ZNF385D: variants seen among roughly 807,000 people sequenced by gnomAD.
ZNF385D encodes zinc finger protein 385D.
Under a neutral mutation model 35.8 loss-of-function variants are expected in ZNF385D, and 15 were observed. The ratio of observed to expected loss-of-function variants is 0.42; its 90% CI spans 0.28 to 0.64. The LOEUF (loss-of-function observed/expected upper bound fraction) is 0.64. ZNF385D is among the 30% of genes least tolerant of loss of function. The probability of loss-of-function intolerance (pLI) is 0.23; values close to 1 mark genes in which losing one functional copy is unlikely to be tolerated. For synonymous variants in ZNF385D, 212 were observed against 186.8 expected (o/e 1.13, Z -1.10); for missense variants, 474 against 494.6 (o/e 0.96, Z 0.39).
chr3:22,326,414 T>TA (rs1694681263), intron 2 of ZNF385D, among the ~76,000 whole-genome samples: 1 of 152,188 alleles, frequency 6.6e-6, no homozygotes, highest in Admixed American at 6.5e-5. Context: ...GCCAGGGGTC[T>TA]AGCCTATCTT....
At chr3:21,541,155 C>T (rs762080213) in intron 3 of ZNF385D, among the ~76,000 whole-genome samples, 1 of 152,152 alleles carries the variant, frequency 6.6e-6, no homozygotes, top group Non-Finnish European at 1.5e-5. Flanking sequence ...ATTCTAGCAA[C>T]GTAATCCAAA....
At position 22,171,449 on chromosome 3, in the gene ZNF385D, A is replaced by G. The variant is rs548959167; in HGVS notation, c.107-2414T>C. On this transcript the variant is annotated intron_variant, in intron 2 of 5. Coordinates refer to the ZNF385D transcript ENST00000494108. Reference sequence around the variant, plus strand: ...CTGAGAAAATAAAGACTATATTATCAGGCAATGTCAACAATTAATTTTGTA... The same window carrying G: ...CTGAGAAAATAAAGACTATATTATCGGGCAATGTCAACAATTAATTTTGTA... 6.6e-5 allele frequency among the ~76,000 whole-genome samples: 10 copies of G among 152,350 alleles called. No homozygotes were observed. The South Asian group carries it at 2.1e-3, about 32-fold the overall frequency.
chr3:22,049,677 G>T (rs548723359), intron 3 of ZNF385D, among the ~76,000 whole-genome samples: 3 of 152,036 alleles, frequency 2.0e-5, no homozygotes, highest in Non-Finnish European at 2.9e-5. Context: ...TTATTGTGTC[G>T]AAATAGATTC....
intron 2 of ZNF385D, among the ~76,000 whole-genome samples, chr3:21,605,591 C>G (rs1405789710): frequency 2.0e-5 from 3 of 152,124 alleles, no homozygotes; most frequent in Non-Finnish European, 2.9e-5. Flanking sequence ...GGGATCTCTG[C>G]CTCTTCAGGA....
intron 2 of ZNF385D, among the ~76,000 whole-genome samples, chr3:22,268,793 C>T (rs1340818089): frequency 6.6e-6 from 1 of 151,926 alleles, no homozygotes; most frequent in African/African-American, 2.4e-5. Context: ...GACATACCCC[C>T]TCAGAACCCA....
chr3:21,922,838 A>G (rs1430351919), intron 3 of ZNF385D, among the ~76,000 whole-genome samples: 2 of 152,156 alleles, frequency 1.3e-5, no homozygotes, highest in Non-Finnish European at 2.9e-5. Flanking sequence ...AATAATCAAT[A>G]AATAGACAAC....
At chr3:21,898,555 A>T (rs1699250923) in intron 3 of ZNF385D, among the ~76,000 whole-genome samples, 1 of 152,168 alleles carries the variant, frequency 6.6e-6, no homozygotes, top group Non-Finnish European at 1.5e-5. Flanking sequence ...TAAAGTAGAT[A>T]GATATATTAT....
At chr3:22,135,660 A>G (rs1704057007) in intron 3 of ZNF385D, among the ~76,000 whole-genome samples, 1 of 152,234 alleles carries the variant, frequency 6.6e-6, no homozygotes, top group South Asian at 2.1e-4. Flanking sequence ...GAAATTAAGT[A>G]GCTACAACAG....
intron 3 of ZNF385D, among the ~76,000 whole-genome samples, chr3:22,025,543 T>A (rs1274382558): frequency 3.9e-5 from 6 of 152,140 alleles, no homozygotes; most frequent in African/African-American, 1.4e-4. Context: ...GGTGAATTTA[T>A]CGATTTGGGC....
chr3:21,919,245 G>C (rs1350590345), intron 3 of ZNF385D, among the ~76,000 whole-genome samples: 1 of 152,162 alleles, frequency 6.6e-6, no homozygotes, highest in Non-Finnish European at 1.5e-5. Flanking sequence ...ATCAGGAACT[G>C]AGCTTGGCAC....
At chr3:21,479,284 T>C (rs1378123782) in intron 4 of ZNF385D, among the ~76,000 whole-genome samples, 1 of 152,000 alleles carries the variant, frequency 6.6e-6, no homozygotes, top group African/African-American at 2.4e-5. Context: ...TCTTTACTTA[T>C]GTAACTTTTG....
At position 21,539,007 on chromosome 3, in the gene ZNF385D, T is replaced by A. The variant is rs1385426026; in HGVS notation, c.276+25567A>T. On this transcript the variant is annotated intron_variant, in intron 3 of 7. Transcript: ENST00000281523. This position sits in a 1 kb window ranked among gnomAD's most constrained non-coding sequence, Gnocchi z 4.0. ...CATACTGTGGGCTAAAATGACAAGT[T>A]CCTTGTGGTAAACCATTTGACTAGT... Among the ~76,000 whole-genome samples the A allele has an allele frequency of 1.3e-5, 2 of 152,086 alleles. No individual in the cohort carries two copies. Among genetic ancestry groups the A allele is most frequent in the East Asian group, 3.9e-4 (2 of 5,194 alleles).
intron 3 of ZNF385D, among the ~76,000 whole-genome samples, chr3:21,554,346 C>T (rs1457392242): frequency 6.6e-6 from 1 of 152,128 alleles, no homozygotes; most frequent in African/African-American, 2.4e-5. Flanking sequence ...TGAAAGAAAT[C>T]TTTTTTTCTG....
rs969924537 is a variant in ZNF385D at position 22,264,211 on chromosome 3, A to G, written c.107-95176T>C. On this transcript the variant is annotated intron_variant, in intron 2 of 5. Coordinates refer to the ZNF385D transcript ENST00000494108. ...CAGAAATTCAGTAAGTATGTGACAA[A>G]GTGAGGCTGGTAATAGAGTGAAAGC... 3.3e-5 allele frequency among the ~76,000 whole-genome samples: 5 copies of G among 152,138 alleles called. No homozygotes were observed. In the East Asian group the frequency reaches 9.7e-4, roughly 30 times the overall value.
At chr3:21,971,322 T>C (rs1003259245) in intron 3 of ZNF385D, among the ~76,000 whole-genome samples, 2 of 151,992 alleles carry the variant, frequency 1.3e-5, no homozygotes, top group Non-Finnish European at 2.9e-5. Flanking sequence ...AACAGGATGA[T>C]GATGTTAAAG....
At chr3:21,556,214 C>T (rs137989771) in intron 3 of ZNF385D, among the ~76,000 whole-genome samples, 57 of 152,020 alleles carry the variant, frequency 3.7e-4, no homozygotes, top group African/African-American at 1.1e-3. Context: ...TGTGCAGAAG[C>T]TCTTTAGCTT....
chr3:22,318,546 C>A (rs370200103), intron 2 of ZNF385D, among the ~76,000 whole-genome samples: 7 of 152,106 alleles, frequency 4.6e-5, no homozygotes, highest in African/African-American at 1.7e-4. Flanking sequence ...AGAGAGGAGC[C>A]AAGATGAATT....
intron 3 of ZNF385D, among the ~76,000 whole-genome samples, chr3:21,794,684 G>A (rs921153189): frequency 6.6e-6 from 1 of 152,130 alleles, no homozygotes; most frequent in East Asian, 1.9e-4. Context: ...TGGGATGGGA[G>A]GAAGAGTCAT....
chr3:22,151,315 A>G (rs111867921), intron 3 of ZNF385D, among the ~76,000 whole-genome samples: 2,560 of 152,262 alleles, frequency 0.017, 64 homozygotes, highest in African/African-American at 0.056. Flanking sequence ...AGAGAAAGAG[A>G]GAAAGAAAAT....
Sources: allele counts gnomAD v4.1 joint callset (sites outside exome capture counted in the v4.1 genomes callset), GRCh38; gene constraint gnomAD v4.1.1; non-coding constraint Gnocchi (gnomAD v3.1); transcripts MANE v1.5; gene names NCBI Gene and HGNC (gene_info 2026-07-23, HGNC 2026-07-21).